The following PCDH15 variants were observed in gnomAD, a reference collection of about 807,000 sequenced individuals.
The protein encoded by PCDH15 is protocadherin-15.
PCDH15 carries 129 observed loss-of-function variants against 178.5 expected under a neutral mutation model. The observed-to-expected ratio is 0.72, with a 90% CI of 0.63 to 0.84. The LOEUF (loss-of-function observed/expected upper bound fraction) is 0.84. Ranked by LOEUF, PCDH15 falls within the 40% of genes least tolerant of loss-of-function variation. The pLI is 0.00. For missense variants in PCDH15, 2,230 were observed against 2,099.9 expected (o/e 1.06, Z -1.21); for synonymous variants, 800 against 732.0 (o/e 1.09, Z -1.50).
intron 1 of PCDH15, among the ~76,000 whole-genome samples, chr10:55,217,432 T>C (rs2132178689): frequency 6.6e-6 from 1 of 152,048 alleles, no homozygotes; most frequent in Middle Eastern, 3.4e-3. Context: ...CCTTCGTATT[T>C]TTATGTTTAT....
rs189272772 is a variant in PCDH15 at position 54,098,961 on chromosome 10, A to G, written c.1918-8898T>C. ...TTTATTTGTTCTTTGTTTTAGAACT[A>G]TGAAAAACTGGACACCTACGAAGCA... On this transcript the variant is annotated intron_variant, in intron 15 of 37. Transcript: ENST00000644397. 8.5e-4 allele frequency among the ~76,000 whole-genome samples: 129 copies of G among 152,306 alleles called. 1 individual carries two copies. Among genetic ancestry groups the G allele is most frequent in the African/African-American group, 2.9e-3 (119 of 41,568 alleles).
At chr10:54,024,007 G>A (rs972146835) in intron 18 of PCDH15, among the ~76,000 whole-genome samples, 2 of 152,086 alleles carry the variant, frequency 1.3e-5, no homozygotes, top group South Asian at 2.1e-4. Context: ...TGTAATGTAT[G>A]TGCAAGGGAC....
chr10:55,538,994 C>CCTTT (rs1178014007), intron 2 of PCDH15, among the ~76,000 whole-genome samples: 1 of 122,172 alleles, frequency 8.2e-6, no homozygotes, highest in African/African-American at 3.4e-5. Context: ...CTTCCTTCCT[C>CCTTT]CTTTCCTTCC....
At chr10:55,317,711 T>A (rs1843762029) in intron 1 of PCDH15, among the ~76,000 whole-genome samples, 1 of 149,656 alleles carries the variant, frequency 6.7e-6, no homozygotes. Context: ...AAAACCCAGC[T>A]TAAAACAGAA....
intron 11 of PCDH15, among the ~76,000 whole-genome samples, 199 bp downstream of exon 11, chr10:54,195,484 T>A (rs1417849601): frequency 3.9e-5 from 6 of 152,326 alleles, no homozygotes; most frequent in African/African-American, 1.4e-4. Flanking sequence ...ATCTGCAAGC[T>A]GAAAAGGAAT....
intron 3 of PCDH15, among the ~76,000 whole-genome samples, chr10:54,853,240 A>T (rs1311023442): frequency 6.7e-6 from 1 of 149,078 alleles, no homozygotes; most frequent in Non-Finnish European, 1.5e-5. Context: ...AGCCTGGGCA[A>T]CAAGAGCTAA....
chr10:55,421,673 C>T (rs1838625140), intron 2 of PCDH15, among the ~76,000 whole-genome samples: 2 of 151,248 alleles, frequency 1.3e-5, no homozygotes, highest in African/African-American at 4.8e-5. Flanking sequence ...TTAATTAATA[C>T]TTTCATCATT....
intron 1 of PCDH15, among the ~76,000 whole-genome samples, chr10:54,717,435 CA>C (rs1226399552): frequency 7.0e-6 from 1 of 143,452 alleles, no homozygotes; most frequent in Admixed American, 7.1e-5. Context: ...ACAACCCCAT[CA>C]AAAAGTGGGC....
intron 2 of PCDH15, among the ~76,000 whole-genome samples, chr10:54,651,213 A>G (rs1319883072): frequency 6.6e-6 from 1 of 152,202 alleles, no homozygotes; most frequent in Non-Finnish European, 1.5e-5. Context: ...CTTTAAAACA[A>G]TATAGACAGA....
chr10:55,415,644 G>A lies in PCDH15; in HGVS notation c.-156+211981C>T, dbSNP rs188756696. Among the ~76,000 whole-genome samples the A allele has an allele frequency of 2.2e-4, 33 of 151,740 alleles. No individual in the cohort carries two copies. In the East Asian group the frequency reaches 5.2e-3, roughly 24 times the overall value. ...ATCATATTAAGGGTTTGGATACCAG[G>A]ATGAAATAAAATCAATGTCCTCATG... is the stretch of plus-strand genomic sequence containing the variant. On this transcript the variant is annotated intron_variant, in intron 2 of 5. Coordinates refer to the PCDH15 transcript ENST00000613346.
intron 2 of PCDH15, among the ~76,000 whole-genome samples, chr10:54,657,387 G>T (rs1438889238): frequency 1.3e-5 from 2 of 152,136 alleles, no homozygotes; most frequent in Non-Finnish European, 2.9e-5. Context: ...TCATTACTGA[G>T]CTACCAGAGA....
intron 2 of PCDH15, among the ~76,000 whole-genome samples, chr10:55,350,228 C>CATATATAT (rs869240598): frequency 0.014 from 1,023 of 72,828 alleles, 15 homozygotes; most frequent in Non-Finnish European, 0.021. Context: ...TATATAAACT[C>CATATATAT]ATATATATAT....
intron 6 of PCDH15, among the ~76,000 whole-genome samples, chr10:54,331,029 G>C (rs1212174465): frequency 6.6e-6 from 1 of 151,594 alleles, no homozygotes; most frequent in Non-Finnish European, 1.5e-5. Context: ...AGAAAGGGAA[G>C]GGGAAGTGTG....
At chr10:54,389,911 C>G (rs1950345556) in intron 3 of PCDH15, among the ~76,000 whole-genome samples, 1 of 152,090 alleles carries the variant, frequency 6.6e-6, no homozygotes. Context: ...CCATTGCACT[C>G]CAGCCTGGGC....
intron 2 of PCDH15, among the ~76,000 whole-genome samples, chr10:55,339,460 C>G (rs1041236943): frequency 1.5e-4 from 23 of 152,132 alleles, no homozygotes; most frequent in African/African-American, 5.5e-4. Flanking sequence ...TAAAACAATG[C>G]ATTTTAACAG....
intron 18 of PCDH15, among the ~76,000 whole-genome samples, chr10:54,036,093 G>T (rs1203114766): frequency 2.7e-4 from 41 of 151,806 alleles, no homozygotes; most frequent in Admixed American, 2.5e-3. Context: ...GTAGAGGTGG[G>T]TTCATGAAAT....
chr10:55,513,658 TTTA>T (rs1298493541), intron 2 of PCDH15, among the ~76,000 whole-genome samples: 4 of 152,022 alleles, frequency 2.6e-5, no homozygotes, highest in Non-Finnish European at 5.9e-5. Context: ...TTATTAAAAC[TTTA>T]TTTTTATATT....
At chr10:55,535,415 A>G (rs1841553581) in intron 2 of PCDH15, among the ~76,000 whole-genome samples, 1 of 152,090 alleles carries the variant, frequency 6.6e-6, no homozygotes, top group Non-Finnish European at 1.5e-5. Context: ...CTTTGGAGTC[A>G]ACTTTTCTTT....
At chr10:54,786,175 A>G (rs1212924482) in intron 1 of PCDH15, among the ~76,000 whole-genome samples, 1 of 152,060 alleles carries the variant, frequency 6.6e-6, no homozygotes, top group Non-Finnish European at 1.5e-5. Context: ...CAAAACCGGC[A>G]GCTTGATGAG....
Sources: gnomAD v4.1 joint callset for allele counts (sites outside exome capture counted in the v4.1 genomes callset) on GRCh38, gnomAD v4.1.1 for gene constraint, MANE v1.5 for transcripts, NCBI Gene and HGNC (gene_info 2026-07-23, HGNC 2026-07-21) for gene names.